CROCC: variants seen among roughly 807,000 people sequenced by gnomAD.
CROCC encodes the protein ciliary rootlet coiled-coil, rootletin, also known as rootletin.
Under a neutral mutation model 245.2 loss-of-function variants are expected in CROCC, and 180 were observed. The ratio of observed to expected loss-of-function variants is 0.73; its 90% confidence interval spans 0.65 to 0.83. The LOEUF is 0.83. Ranked by LOEUF, CROCC falls within the 40% of genes least tolerant of loss-of-function variation. The pLI, the probability that CROCC is intolerant of heterozygous loss-of-function variation, is 0.00. For synonymous variants in CROCC, 1,205 were observed against 1,241.6 expected (o/e 0.97, Z 0.62); for missense variants, 2,688 against 2,779.4 (o/e 0.97, Z 0.74).
In CROCC at chr1:16,955,447, C is replaced by G. The variant is rs2076234572; in HGVS notation, c.3601C>G (p.Leu1201Val). 1 of 1,595,212 alleles carries G rather than the reference C, an allele frequency of 6.3e-7. No homozygotes were observed. Among genetic ancestry groups the G allele is most frequent in the African/African-American group, 1.3e-5 (1 of 74,660 alleles). ...REVQRQEAGE[L>V]RRSLGEGAKE... is the part of the protein sequence containing the mutation. Reference sequence around the variant, plus strand: ...GGTGCAGCGCCAGGAGGCAGGCGAGCTGCGACGCAGCCTGGGCGAGGGTGC... The same window carrying G: ...GGTGCAGCGCCAGGAGGCAGGCGAGGTGCGACGCAGCCTGGGCGAGGGTGC... Residue 1201 changes from leucine (L) to valine (V), a missense_variant, in exon 24 of 37, where the codon CTG (leucine) becomes GTG (valine). Physicochemically the swap from Leu to Val is conservative, Grantham distance 32. Around this residue, in one of 9 missense-constraint regions of CROCC, gnomAD observed 1,218 missense variants for 1,286.3 expected, o/e 0.95. Coordinates refer to ENST00000375541, the MANE Select transcript of CROCC (RefSeq NM_014675.5).
rs1557585716 is a variant in CROCC at position 16,930,446 on chromosome 1, A to T, written c.701A>T (p.Gln234Leu). The stretch of plus-strand genomic sequence containing the variant: ...CCATTCAGGAGTGCCAGCCTGGCCC[A>T]GGTGAATGCCATGCTCCGAGAACAG... ...EEQQRSASLA[Q>L]VNAMLREQLD... The change falls in exon 7 of 37, where the codon CAG becomes CTG. Residue 234 changes from glutamine to leucine, a missense_variant. Transcript: ENST00000375541. 1.2e-6 allele frequency: 2 copies of T among 1,611,960 alleles called. No homozygotes were observed. Among genetic ancestry groups the T allele is most frequent in the East Asian group, 2.2e-5 (1 of 44,888 alleles).
At chr1:16,948,184 C>G in intron 17 of CROCC, 147 bp from the exon 18 acceptor site, 1 of 1,391,728 alleles carries the variant, frequency 7.2e-7, no homozygotes, top group East Asian at 2.5e-5. Flanking sequence ...TCATGACTTG[C>G]CCAAGTACAT....
At chr1:16,923,575 TA>T (rs2075458027) in intron 2 of CROCC, among the ~76,000 whole-genome samples, 1 of 152,240 alleles carries the variant, frequency 6.6e-6, no homozygotes, top group South Asian at 2.1e-4. Flanking sequence ...TGACCTATGC[TA>T]TGCTCTCCTG....
rs41272743 is a variant in CROCC, at chr1:16,966,290, G to A, written c.4697-118G>A. On this transcript the variant is annotated intron_variant, in intron 29 of 36. Transcript: ENST00000375541. The surrounding 1 kb of genome is among the most constrained non-coding windows in gnomAD (Gnocchi z 4.8). ...ACCTGTGTGCAGGCCCGCATACTAC[G>A]AAGGGTGCAGACAGTCTGGCCCTGC... The A allele has an allele frequency of 5.8e-3, 8,235 of 1,427,678 alleles. 49 individuals carry two copies. The highest frequency in any genetic ancestry group is 0.023 in the East Asian group (899 of 39,872). 88.4% of individuals were successfully genotyped at this position (1,427,678 alleles called of 1,614,324 possible).
Position 16,929,905 on chromosome 1 carries a change from G to C in CROCC, c.411G>C (p.Leu137=). ...GELETQEPRG[L]VRQSVELRRQ... ...TGGAGACGCAGGAGCCCAGGGGGCT[G>C]GTACGGCAGAGCGTGGAGTTGCGGA... Residue 137 remains leucine (L), a synonymous_variant, in exon 4 of 37, where the codon CTG becomes CTC. Coordinates refer to ENST00000375541, the MANE Select transcript of CROCC (RefSeq NM_014675.5). The C allele has an allele frequency of 6.3e-7, 1 of 1,588,884 alleles. No homozygotes were observed. The highest frequency in any genetic ancestry group is 8.5e-7 in the Non-Finnish European group (1 of 1,171,124).
At chr1:16,960,056 CAGG>C (rs1352365507) in intron 26 of CROCC, among the ~76,000 whole-genome samples, 1 of 152,082 alleles carries the variant, frequency 6.6e-6, no homozygotes, top group African/African-American at 2.4e-5. Context: ...CACTTGAGGC[CAGG>C]AGTTCGAGAG....
At chr1:16,962,085 T>C (rs1472238538) in intron 27 of CROCC, among the ~76,000 whole-genome samples, 1 of 151,586 alleles carries the variant, frequency 6.6e-6, no homozygotes, top group Non-Finnish European at 1.5e-5. Flanking sequence ...TTTTTTGAGA[T>C]GGCGTCTTGC....
intron 25 of CROCC, among the ~76,000 whole-genome samples, chr1:16,957,934 C>T (rs988022383): frequency 7.9e-5 from 12 of 152,132 alleles, no homozygotes; most frequent in Non-Finnish European, 1.5e-4. Flanking sequence ...TTGCTGGACG[C>T]GTTGCATGCT....
rs749678753 is a variant in CROCC, at chr1:16,938,920, A to G, written c.1386A>G (p.Ser462=). ...TLRDLAQAVL[S]DSESGVQLSG... ...TCCCCCACCCTCAGGCCGTCTTGTCAGACTCTGAGAGCGGCGTCCAGCTGA... is the reference window on the plus strand; with the variant it reads ...TCCCCCACCCTCAGGCCGTCTTGTCGGACTCTGAGAGCGGCGTCCAGCTGA... Residue 462 remains serine, a synonymous_variant, in exon 12 of 37, where the codon TCA becomes TCG. Coordinates refer to ENST00000375541, the MANE Select transcript of CROCC (RefSeq NM_014675.5). The G allele has an allele frequency of 2.5e-6, 4 of 1,602,626 alleles. No homozygotes were observed. The highest frequency in any genetic ancestry group is 3.4e-6 in the Non-Finnish European group (4 of 1,176,886).
chr1:16,960,853 T>C lies in CROCC; in HGVS notation c.4128T>C (p.Thr1376=), dbSNP rs1424907553. 1 of 1,518,350 alleles carries C rather than the reference T, an allele frequency of 6.6e-7. No homozygotes were observed. Among genetic ancestry groups the C allele is most frequent in the Non-Finnish European group, 8.8e-7 (1 of 1,139,512 alleles). The allele number at this position is 1,518,350 out of a possible 1,614,324, so 94.1% of individuals were successfully genotyped here. A position where few individuals can be genotyped will look rare whatever the true frequency, so the allele number is the denominator to read the frequency against. Reference sequence around the variant, plus strand: ...GCTCCCTGGAGGAGGCGCGTGGCACTGAAAAGCAGCAGCTGGACCACGCCC... The same window carrying C: ...GCTCCCTGGAGGAGGCGCGTGGCACCGAAAAGCAGCAGCTGGACCACGCCC... ...LLGSLEEARG[T]EKQQLDHARG... is the part of the protein sequence containing the mutation. The change falls in exon 27 of 37, where the codon ACT becomes ACC. Residue 1376 remains threonine (T), a synonymous_variant. Coordinates refer to ENST00000375541, the MANE Select transcript of CROCC (RefSeq NM_014675.5).
At chr1:16,939,857 C>A (rs759854876) in intron 12 of CROCC, 37 bp from the exon 13 acceptor site, 8 of 1,604,154 alleles carry the variant, frequency 5.0e-6, no homozygotes, top group African/African-American at 2.7e-5. Flanking sequence ...GGAGGCCTCT[C>A]AGGCCCCCCC....
In CROCC at chr1:16,923,359, CA is replaced by C. The variant is rs1284392173; in HGVS notation, c.196+562del. ...TTGTCTGTGTTCAACTCCCAAGCTA[CA>C]GACGGGCCCCCTCCTTGGGAGCGCC... On this transcript the variant is annotated intron_variant, in intron 2 of 36. Coordinates refer to ENST00000375541, the MANE Select transcript of CROCC (RefSeq NM_014675.5). Among the ~76,000 whole-genome samples the C allele has an allele frequency of 4.6e-5, 7 of 152,410 alleles. No individual in the cohort carries two copies. The East Asian group carries it at 1.3e-3, about 29-fold the overall frequency.
intron 25 of CROCC, among the ~76,000 whole-genome samples, chr1:16,957,979 G>A (rs1333309879): frequency 7.3e-6 from 1 of 137,556 alleles, no homozygotes; most frequent in African/African-American, 2.6e-5. Context: ...GTAGCACATG[G>A]GGGAGGTAGG....
chr1:16,946,814 G>A lies in CROCC; in HGVS notation c.2337G>A (p.Glu779=). The change falls in exon 17 of 37, where the codon GAG becomes GAA. Residue 779 remains glutamate (E), a synonymous_variant. Transcript: ENST00000375541. ...GCCGGCAACGGCAGGCAGAGCAGGA[G>A]GCCACAGTGGCGCGGGAAGAGCAGG... ...LQGRQRQAEQ[E]ATVAREEQER... The A allele has an allele frequency of 6.4e-7, 1 of 1,552,736 alleles. No individual in the cohort carries two copies. The highest frequency in any genetic ancestry group is 8.7e-7 in the Non-Finnish European group (1 of 1,147,776).
rs757915830 is a variant in CROCC at position 16,969,327 on chromosome 1, G to A, written c.5288G>A (p.Arg1763His). Residue 1763 changes from arginine (R) to histidine (H), a missense_variant, in exon 32 of 37, where the codon CGC becomes CAC. Around this residue, in one of 9 missense-constraint regions of CROCC, gnomAD observed 1,218 missense variants for 1,286.3 expected, o/e 0.95. Coordinates refer to ENST00000375541, the MANE Select transcript of CROCC (RefSeq NM_014675.5). The stretch of plus-strand genomic sequence containing the variant: ...GCTCTGACCGCCTGTGAACATGACC[G>A]CCAAGTACTCCAGGTCTCGGGCCCA... ...QKALTACEHD[R>H]QVLQERLDAA... The A allele has an allele frequency of 1.2e-5, 19 of 1,610,976 alleles. No homozygotes were observed. Among genetic ancestry groups the A allele is most frequent in the Admixed American group, 8.4e-5 (5 of 59,842 alleles).
Position 16,972,605 on chromosome 1 carries a change from T to A in CROCC, c.*159T>A. ...CAGTGCTGAGGACGGGTACTCCAGC[T>A]CCAGGCCTGGAGAGGCTTCCCAGCA... is the stretch of plus-strand genomic sequence containing the variant. On this transcript the variant is annotated 3_prime_UTR_variant, in exon 37 of 37. Coordinates refer to ENST00000375541, the MANE Select transcript of CROCC (RefSeq NM_014675.5). The A allele has an allele frequency of 1.8e-6, 1 of 555,418 alleles. No individual in the cohort carries two copies. Among genetic ancestry groups the A allele is most frequent in the East Asian group, 3.3e-5 (1 of 30,450 alleles). 34.4% of individuals were successfully genotyped at this position (555,418 alleles called of 1,614,324 possible). A position where few individuals can be genotyped will look rare whatever the true frequency, so the allele number is the denominator to read the frequency against.
At chr1:16,956,202 C>A in intron 25 of CROCC, 46 bp downstream of exon 25, 1 of 1,472,514 alleles carries the variant, frequency 6.8e-7, no homozygotes, top group Non-Finnish European at 9.0e-7. Context: ...GCTGTGTGCC[C>A]CGGGCCAATA....
intron 35 of CROCC, chr1:16,971,047 G>A: frequency 2.2e-6 from 1 of 452,276 alleles, no homozygotes; most frequent in Non-Finnish European, 3.9e-6. Context: ...TATGGAGCAT[G>A]AATCTTGTGC....
At chr1:16,940,807 AC>A in intron 13 of CROCC, 1 of 333,990 alleles carries the variant, frequency 3.0e-6, no homozygotes, top group South Asian at 2.3e-5. Flanking sequence ...GCTCACTGTA[AC>A]CTGGAACTCC....
Sources: allele counts gnomAD v4.1 joint callset (sites outside exome capture counted in the v4.1 genomes callset), GRCh38; gene constraint gnomAD v4.1.1; regional missense constraint gnomAD v4.1.1; non-coding constraint Gnocchi (gnomAD v3.1); transcripts MANE v1.5; gene names NCBI Gene and HGNC (gene_info 2026-07-23, HGNC 2026-07-21).